Variants in VPS41 observed in about 807,000 individuals in gnomAD.
The protein encoded by VPS41 is vacuolar protein sorting-associated protein 41 homolog.
In VPS41, 85 loss-of-function variants were observed where a neutral mutation model predicts 130.9. The ratio of observed to expected loss-of-function variants is 0.65; its 90% CI spans 0.55 to 0.78. The LOEUF (loss-of-function observed/expected upper bound fraction) is 0.78. Among genes scored for constraint, VPS41 ranks in the 30% least tolerant of loss-of-function variants. The pLI, the probability that VPS41 is intolerant of heterozygous loss-of-function variation, is 0.00. For missense variants in VPS41, 874 were observed against 1,018.7 expected (o/e 0.86, Z 1.93); for synonymous variants, 335 against 332.9 (o/e 1.01, Z -0.07).
rs994875060 is a variant in VPS41, at chr7:38,724,203, C to T, written c.*2043G>A. The T allele has an allele frequency of 1.3e-5, 2 of 152,112 alleles. No homozygotes were observed. Among genetic ancestry groups the T allele is most frequent in the Admixed American group, 6.5e-5 (1 of 15,274 alleles). 9.4% of individuals were successfully genotyped at this position (152,112 alleles called of 1,614,324 possible). On this transcript the variant is annotated 3_prime_UTR_variant, in exon 29 of 29. Transcript: ENST00000310301. ...AGGACTTGGTAACTAGGATAATTTA[C>T]CCCTGAAGCAAAATGACTTCACTGA...
rs140456042 is a variant in VPS41 at position 38,839,099 on chromosome 7, C to T, written c.247-8771G>A. ...ATTTCATTTTTGTTCTCTCAGAGAC[C>T]CACTAGTTAGCAATCTCAACATCCA... On this transcript the variant is annotated intron_variant, in intron 4 of 28. Coordinates refer to ENST00000310301, the MANE Select transcript of VPS41 (RefSeq NM_014396.4). 1.6e-3 allele frequency among the ~76,000 whole-genome samples: 243 copies of T among 152,286 alleles called. 1 individual carries two copies. The highest frequency in any genetic ancestry group is 3.4e-3 in the Middle Eastern group (1 of 294).
At chr7:38,860,726 TGTGTGTGTGTG>T (rs1182318986) in intron 4 of VPS41, among the ~76,000 whole-genome samples, 34 of 151,892 alleles carry the variant, frequency 2.2e-4, no homozygotes, top group Non-Finnish European at 4.0e-4. Context: ...TGTGTGTGTG[TGTGTGTGTGTG>T]TGTGTGGACA....
At chr7:38,898,696 T>C (rs1482491376) in intron 1 of VPS41, among the ~76,000 whole-genome samples, 1 of 152,150 alleles carries the variant, frequency 6.6e-6, no homozygotes, top group Non-Finnish European at 1.5e-5. Context: ...TTTAACACAG[T>C]TTCCCTCTCG....
intron 2 of VPS41, among the ~76,000 whole-genome samples, chr7:38,894,456 G>A (rs1001445269): frequency 6.6e-6 from 1 of 151,836 alleles, no homozygotes; most frequent in African/African-American, 2.4e-5. Flanking sequence ...GCTAGGGTTG[G>A]GGGGAAGTGG....
intron 22 of VPS41, chr7:38,745,942 C>T: frequency 4.2e-6 from 1 of 238,084 alleles, no homozygotes; most frequent in South Asian, 7.3e-5. Context: ...TTCCTTACAG[C>T]ACTGCTTCCT....
chr7:38,898,136 A>G lies in VPS41; in HGVS notation c.22-7T>C. 1 of 1,612,630 alleles carries G rather than the reference A, an allele frequency of 6.2e-7. No individual in the cohort carries two copies. The highest frequency in any genetic ancestry group is 8.5e-7 in the Non-Finnish European group (1 of 1,178,758). The stretch of plus-strand genomic sequence containing the variant: ...CTTCAAGGGACCCAGTTTCCTATAA[A>G]GCATAGAAAAAGAAAATGGTCAGAA... On this transcript the variant is annotated splice_polypyrimidine_tract_variant and splice_region_variant and intron_variant, in intron 1 of 28. Transcript: ENST00000310301.
intron 4 of VPS41, among the ~76,000 whole-genome samples, chr7:38,832,170 C>A (rs1002330997): frequency 5.9e-5 from 9 of 151,792 alleles, no homozygotes; most frequent in Non-Finnish European, 1.3e-4. Flanking sequence ...GTTGTTTTGT[C>A]AATCTATAAG....
At chr7:38,733,954 C>T (rs992781875) in intron 25 of VPS41, among the ~76,000 whole-genome samples, 39 of 152,126 alleles carry the variant, frequency 2.6e-4, no homozygotes, top group Admixed American at 2.2e-3. Flanking sequence ...GGCATAGTGG[C>T]GCATGCCTGT....
chr7:38,742,082 A>C lies in VPS41; in HGVS notation c.2162T>G (p.Val721Gly). The change falls in exon 25 of 29, where the codon GTT becomes GGT. Residue 721 changes from valine to glycine, a missense_variant. Physicochemically the swap from Val to Gly is moderately radical, Grantham distance 109. Transcript: ENST00000310301. ...ACGGTGAATCAGTAGAATTGGGTCAACATGTGTGCCAATGTTGTTTAACAA... is the reference window on the plus strand; with the variant it reads ...ACGGTGAATCAGTAGAATTGGGTCACCATGTGTGCCAATGTTGTTTAACAA... ...TGLLNNIGTH[V>G]DPILLIHRIK... 1 of 1,612,768 alleles carries C rather than the reference A, an allele frequency of 6.2e-7. No individual in the cohort carries two copies. The highest frequency in any genetic ancestry group is 8.5e-7 in the Non-Finnish European group (1 of 1,179,594).
At chr7:38,831,592 C>T (rs779285908) in intron 4 of VPS41, among the ~76,000 whole-genome samples, 4 of 152,202 alleles carry the variant, frequency 2.6e-5, no homozygotes, top group Non-Finnish European at 5.9e-5. Flanking sequence ...TCTATATACA[C>T]GTTTATGTAA....
rs374797652 is a variant in VPS41, at chr7:38,763,537, G to A, written c.1340C>T (p.Pro447Leu). ...KEIGQLKAISPYLPRGDPVLK... is the reference protein window; with the variant it reads ...KEIGQLKAISLYLPRGDPVLK... Reference sequence around the variant, plus strand: ...AACTGGATCACCTCTTGGCAAATAAGGACTAATAGCCTAGGTAAGGAAAAG... The same window carrying A: ...AACTGGATCACCTCTTGGCAAATAAAGACTAATAGCCTAGGTAAGGAAAAG... The change falls in exon 17 of 29, where the codon CCT becomes CTT. Residue 447 changes from proline (P) to leucine (L), a missense_variant. Transcript: ENST00000310301. 3.6e-5 allele frequency: 58 copies of A among 1,596,322 alleles called. No individual in the cohort carries two copies. The highest frequency in any genetic ancestry group is 4.7e-5 in the Non-Finnish European group (55 of 1,173,258).
At chr7:38,862,356 C>T (rs1786134750) in intron 4 of VPS41, among the ~76,000 whole-genome samples, 189 bp downstream of exon 4, 2 of 152,112 alleles carry the variant, frequency 1.3e-5, no homozygotes, top group South Asian at 4.1e-4. Context: ...ATCTAGACCC[C>T]TTTCTTTATA....
chr7:38,831,317 C>T, intron 4 of VPS41: 1 of 441,114 alleles, frequency 2.3e-6, no homozygotes, highest in South Asian at 1.7e-5. Context: ...GTACTGTCCA[C>T]ATGCAGCCTT....
At chr7:38,887,381 T>C (rs1264237326) in intron 2 of VPS41, among the ~76,000 whole-genome samples, 1 of 152,094 alleles carries the variant, frequency 6.6e-6, no homozygotes, top group East Asian at 1.9e-4. Context: ...TCGTAAAGCA[T>C]ACACAAGCTT....
intron 1 of VPS41, among the ~76,000 whole-genome samples, chr7:38,899,209 G>C (rs1787087930): frequency 6.6e-6 from 1 of 152,120 alleles, no homozygotes; most frequent in Non-Finnish European, 1.5e-5. Context: ...GTAAAATGGG[G>C]ATATGTTCCT....
chr7:38,804,638 G>A (rs1419130751), intron 7 of VPS41, among the ~76,000 whole-genome samples: 1 of 152,176 alleles, frequency 6.6e-6, no homozygotes, highest in African/African-American at 2.4e-5. Flanking sequence ...TGCCATTTAG[G>A]AGCAGCTTTC....
chr7:38,881,539 CAG>C (rs1786608635), intron 2 of VPS41, among the ~76,000 whole-genome samples: 1 of 152,116 alleles, frequency 6.6e-6, no homozygotes, highest in Non-Finnish European at 1.5e-5. Context: ...ATATAAGGAT[CAG>C]AGAGGATAAA....
intron 2 of VPS41, among the ~76,000 whole-genome samples, chr7:38,897,881 C>A (rs2116439587): frequency 6.6e-6 from 1 of 152,202 alleles, no homozygotes; most frequent in East Asian, 1.9e-4. Flanking sequence ...CAGATGAAAA[C>A]TTTTTGTTCC....
intron 2 of VPS41, among the ~76,000 whole-genome samples, chr7:38,875,199 G>T (rs1786467255): frequency 6.6e-6 from 1 of 151,966 alleles, no homozygotes; most frequent in African/African-American, 2.4e-5. Context: ...ACGCACAAAA[G>T]GCAACATACA....
Sources: gnomAD v4.1 joint callset for allele counts (sites outside exome capture counted in the v4.1 genomes callset) on GRCh38, gnomAD v4.1.1 for gene constraint, MANE v1.5 for transcripts, NCBI Gene and HGNC (gene_info 2026-07-23, HGNC 2026-07-21) for gene names.